The following SGCD variants were observed in gnomAD, a reference collection of about 807,000 sequenced individuals.
SGCD encodes sarcoglycan delta.
SGCD carries 18 observed loss-of-function variants against 36.6 expected under a neutral mutation model. The observed-to-expected ratio is 0.49, with a 90% confidence interval of 0.34 to 0.73. SGCD has a LOEUF of 0.73. SGCD is among the 30% of genes least tolerant of loss of function. SGCD has a pLI of 0.01. For missense variants in SGCD, 387 were observed against 346.7 expected, an observed-to-expected ratio of 1.12 and a Z score of -0.92; for synonymous variants, 133 against 130.6, an observed-to-expected ratio of 1.02 and a Z score of -0.12.
chr5:156,673,416 T>C (rs1054062721), intron 7 of SGCD, among the ~76,000 whole-genome samples: 22 of 152,200 alleles, frequency 1.4e-4, no homozygotes, highest in African/African-American at 5.1e-4. Flanking sequence ...TGGCCTACGG[T>C]TCCTATTCAT....
chr5:155,906,906 A>T (rs180950545), intron 1 of SGCD, among the ~76,000 whole-genome samples: 1 of 127,080 alleles, frequency 7.9e-6, no homozygotes, highest in Non-Finnish European at 1.7e-5. Context: ...TTCAATGCAT[A>T]TGAAACAGCC....
intron 3 of SGCD, among the ~76,000 whole-genome samples, chr5:156,504,834 G>A (rs1192549405): frequency 6.6e-6 from 1 of 152,152 alleles, no homozygotes. Context: ...AAGAAAAGAA[G>A]GAGTTGTTTG....
At chr5:156,318,718 C>T (rs1422723271) in intron 3 of SGCD, among the ~76,000 whole-genome samples, 1 of 151,948 alleles carries the variant, frequency 6.6e-6, no homozygotes, top group Non-Finnish European at 1.5e-5. Flanking sequence ...GCCTCAGCAT[C>T]CTGAGTAGCT....
chr5:156,108,812 C>A (rs1384018581), intron 1 of SGCD, among the ~76,000 whole-genome samples: 1 of 152,056 alleles, frequency 6.6e-6, no homozygotes, highest in Non-Finnish European at 1.5e-5. Flanking sequence ...TGAGTTAAGC[C>A]AGCACCAATG....
chr5:155,908,065 A>C (rs1201197389), intron 1 of SGCD, among the ~76,000 whole-genome samples: 2 of 152,194 alleles, frequency 1.3e-5, no homozygotes, highest in Non-Finnish European at 2.9e-5. Context: ...GCCAGCAAAA[A>C]GATTGCAAGT....
intron 1 of SGCD, among the ~76,000 whole-genome samples, chr5:156,054,139 A>G (rs1759996517): frequency 6.8e-6 from 1 of 146,106 alleles, no homozygotes; most frequent in African/African-American, 2.5e-5. Context: ...ATATAAGTCT[A>G]GAGCTTATTT....
intron 3 of SGCD, among the ~76,000 whole-genome samples, chr5:156,145,457 A>T (rs1470066200): frequency 6.6e-6 from 1 of 152,212 alleles, no homozygotes; most frequent in African/African-American, 2.4e-5. Flanking sequence ...ACTAAGATAA[A>T]ACCAAACTCA....
the SGCD span, among the ~76,000 whole-genome samples, chr5:155,742,413 T>G: frequency 1.3e-5 from 2 of 152,172 alleles, no homozygotes; most frequent in Non-Finnish European, 2.9e-5. Flanking sequence ...CTTTCTGTCC[T>G]TGGGGAATGC....
chr5:155,782,119 G>A, the SGCD span, among the ~76,000 whole-genome samples: 54 of 151,382 alleles, frequency 3.6e-4, no homozygotes, highest in African/African-American at 1.3e-3. Flanking sequence ...CTGCCTCCTG[G>A]GTTCAAGTGA....
intron 3 of SGCD, among the ~76,000 whole-genome samples, chr5:156,249,987 T>C (rs1211024461): frequency 6.6e-6 from 1 of 152,202 alleles, no homozygotes; most frequent in African/African-American, 2.4e-5. Context: ...TTTAACTATA[T>C]GTGTCCATAG....
intron 3 of SGCD, among the ~76,000 whole-genome samples, chr5:156,389,962 T>TGCC (rs1325264542): frequency 4.6e-5 from 7 of 152,168 alleles, no homozygotes; most frequent in African/African-American, 1.7e-4. Context: ...TCGATAAGAT[T>TGCC]ATTGATGGAG....
chr5:156,605,894 T>G lies in SGCD; in HGVS notation c.502+10843T>G, dbSNP rs539006216. ...ATCCTTCACCCACTTTTTGATGGGGTTGTTTTTTTCTCGTAAATTTGTTGG... is the reference window on the plus strand; with the variant it reads ...ATCCTTCACCCACTTTTTGATGGGGGTGTTTTTTTCTCGTAAATTTGTTGG... On this transcript the variant is annotated intron_variant, in intron 6 of 8. Coordinates refer to ENST00000337851, the MANE Select transcript of SGCD (RefSeq NM_000337.6). 3.9e-5 allele frequency among the ~76,000 whole-genome samples: 6 copies of G among 152,310 alleles called. No homozygotes were observed. The East Asian group carries it at 9.6e-4, about 24-fold the overall frequency.
At chr5:156,671,760 A>T (rs11955617) in intron 7 of SGCD, among the ~76,000 whole-genome samples, 4,023 of 152,264 alleles carry the variant, frequency 0.026, 177 homozygotes, top group African/African-American at 0.092. Context: ...TAAAGAAAAG[A>T]GGGTCATTTG....
intron 1 of SGCD, among the ~76,000 whole-genome samples, chr5:155,959,283 C>A (rs1234489741): frequency 6.6e-6 from 1 of 152,130 alleles, no homozygotes; most frequent in Non-Finnish European, 1.5e-5. Flanking sequence ...ATAACCCAGG[C>A]CCTGAGCCAG....
At chr5:155,849,899 G>A in the SGCD span, among the ~76,000 whole-genome samples, 7 of 152,106 alleles carry the variant, frequency 4.6e-5, no homozygotes, top group African/African-American at 1.2e-4. Context: ...TGAATGAGTC[G>A]ACACAGTTAA....
At chr5:156,722,048 T>C (rs951402370) in intron 7 of SGCD, among the ~76,000 whole-genome samples, 1 of 152,204 alleles carries the variant, frequency 6.6e-6, no homozygotes, top group African/African-American at 2.4e-5. Context: ...TGAATGACTG[T>C]GATCTCTATA....
At chr5:156,192,903 T>A (rs575280229) in intron 3 of SGCD, among the ~76,000 whole-genome samples, 1 of 105,510 alleles carries the variant, frequency 9.5e-6, no homozygotes, top group African/African-American at 4.0e-5. Flanking sequence ...GTGGTCTGTG[T>A]AGCAACTACT....
At position 156,560,273 on chromosome 5, in the gene SGCD, C is replaced by G. The variant is rs568462955; in HGVS notation, c.295-28958C>G. Among the ~76,000 whole-genome samples, 4 of 152,288 alleles carry G rather than the reference C, an allele frequency of 2.6e-5. No individual in the cohort carries two copies. In the South Asian group the frequency reaches 8.3e-4, roughly 32 times the overall value. On this transcript the variant is annotated intron_variant, in intron 4 of 8. Coordinates refer to ENST00000337851, the MANE Select transcript of SGCD (RefSeq NM_000337.6). Reference sequence around the variant, plus strand: ...TTTCTTTTTCCTTCCATCAGAATTGCACCCTCCCGCAAGTTCTCAGCTGCA... The same window carrying G: ...TTTCTTTTTCCTTCCATCAGAATTGGACCCTCCCGCAAGTTCTCAGCTGCA...
chr5:155,728,820 C>G, the SGCD span, among the ~76,000 whole-genome samples: 1 of 152,188 alleles, frequency 6.6e-6, no homozygotes, highest in Non-Finnish European at 1.5e-5. Context: ...CCGGGCGGCG[C>G]GCCCTCTGCC....
Sources: allele counts gnomAD v4.1 joint callset (sites outside exome capture counted in the v4.1 genomes callset), GRCh38; gene constraint gnomAD v4.1.1; transcripts MANE v1.5; gene names NCBI Gene and HGNC (gene_info 2026-07-23, HGNC 2026-07-21).